Variants in DOCK3 observed in about 807,000 individuals in gnomAD.
DOCK3 encodes dedicator of cytokinesis protein 3.
DOCK3 carries 60 observed loss-of-function variants against 265.6 expected under a neutral mutation model. The ratio of observed to expected loss-of-function variants is 0.23; its 90% CI spans 0.18 to 0.28. DOCK3 has a LOEUF of 0.28. Ranked by LOEUF, DOCK3 falls within the 10% of genes least tolerant of loss-of-function variation. The pLI is 1.00. For synonymous variants in DOCK3, 881 were observed against 938.0 expected, an observed-to-expected ratio of 0.94 and a Z score of 1.11; for missense variants, 1,981 against 2,594.3, an observed-to-expected ratio of 0.76 and a Z score of 5.14.
chr3:51,347,316 C>T lies in DOCK3; in HGVS notation c.3916-1536C>T, dbSNP rs56839580. ...AATCCATCTTAAATTAATTTTTGTACGAGGTGTAAGGAAGGGATCCAGTTT... is the reference window on the plus strand; with the variant it reads ...AATCCATCTTAAATTAATTTTTGTATGAGGTGTAAGGAAGGGATCCAGTTT... On this transcript the variant is annotated intron_variant, in intron 38 of 52. Coordinates refer to ENST00000266037, the MANE Select transcript of DOCK3 (RefSeq NM_004947.5). Among the ~76,000 whole-genome samples, 1,200 of 152,144 alleles carry T rather than the reference C, an allele frequency of 7.9e-3. 15 individuals are homozygous for T. The highest frequency in any genetic ancestry group is 0.027 in the African/African-American group (1,105 of 41,488).
intron 5 of DOCK3, among the ~76,000 whole-genome samples, chr3:51,037,892 AGTGT>A (rs1340882090): frequency 6.6e-6 from 1 of 152,210 alleles, no homozygotes; most frequent in African/African-American, 2.4e-5. Flanking sequence ...TTTAGGAACC[AGTGT>A]GAATTCATCT....
chr3:50,779,671 A>G (rs1271707282), intron 2 of DOCK3, among the ~76,000 whole-genome samples: 2 of 152,258 alleles, frequency 1.3e-5, no homozygotes, highest in Admixed American at 1.3e-4. Context: ...GGCGTGAGCC[A>G]CTGCGCCTGG....
intron 1 of DOCK3, among the ~76,000 whole-genome samples, chr3:50,757,704 A>G (rs1019717956): frequency 2.6e-5 from 4 of 152,178 alleles, no homozygotes; most frequent in African/African-American, 4.8e-5. Context: ...TCAAGGCCAT[A>G]AAGATTTACT....
intron 3 of DOCK3, among the ~76,000 whole-genome samples, chr3:50,880,164 C>T (rs554809133): frequency 1.3e-5 from 2 of 152,136 alleles, no homozygotes; most frequent in Non-Finnish European, 2.9e-5. Context: ...CACTAAATGC[C>T]CACAAGAGAA....
At chr3:50,986,016 A>G (rs1363708650) in intron 5 of DOCK3, among the ~76,000 whole-genome samples, 1 of 151,906 alleles carries the variant, frequency 6.6e-6, no homozygotes, top group African/African-American at 2.4e-5. Flanking sequence ...TTAAATATCT[A>G]TTTATATATT....
At chr3:51,171,321 A>G (rs553386859) in intron 12 of DOCK3, among the ~76,000 whole-genome samples, 2 of 152,136 alleles carry the variant, frequency 1.3e-5, no homozygotes, top group African/African-American at 4.8e-5. Flanking sequence ...TAATTTCCAC[A>G]TATTTGTGAA....
At chr3:50,855,065 G>A (rs2046523747) in intron 3 of DOCK3, among the ~76,000 whole-genome samples, 1 of 152,034 alleles carries the variant, frequency 6.6e-6, no homozygotes, top group African/African-American at 2.4e-5. Context: ...GTTATGTGAT[G>A]CTCCTGGGTT....
chr3:51,281,085 A>G (rs985150500), intron 27 of DOCK3, among the ~76,000 whole-genome samples: 7 of 151,864 alleles, frequency 4.6e-5, no homozygotes, highest in Admixed American at 3.9e-4. Context: ...TGCATTGATT[A>G]TATTGTTTAT....
At chr3:50,875,036 A>G (rs975568472) in intron 3 of DOCK3, among the ~76,000 whole-genome samples, 1 of 152,050 alleles carries the variant, frequency 6.6e-6, no homozygotes, top group African/African-American at 2.4e-5. Context: ...CAGGGAGGGG[A>G]ACGTCACACA....
At position 51,359,294 on chromosome 3, in the gene DOCK3, A is replaced by G. The variant is rs1314017303; in HGVS notation, c.4884+1217A>G. Among the ~76,000 whole-genome samples the G allele has an allele frequency of 6.6e-6, 1 of 151,944 alleles. No homozygotes were observed. Among genetic ancestry groups the G allele is most frequent in the African/African-American group, 2.4e-5 (1 of 41,200 alleles). ...TCAGCCTGTGTGGACAAGTGTGGAC[A>G]GCATGAAAAGAGAAAAAGAAGCTTG... On this transcript the variant is annotated intron_variant, in intron 46 of 52. Coordinates refer to ENST00000266037, the MANE Select transcript of DOCK3 (RefSeq NM_004947.5). The surrounding 1 kb of genome is among the most constrained non-coding windows in gnomAD (Gnocchi z 4.8).
At chr3:51,008,962 T>G (rs1490804014) in intron 5 of DOCK3, among the ~76,000 whole-genome samples, 1 of 152,220 alleles carries the variant, frequency 6.6e-6, no homozygotes, top group Non-Finnish European at 1.5e-5. Context: ...ATCCCAGGGA[T>G]GAAGCCAACT....
chr3:50,930,362 G>A (rs909177031), intron 4 of DOCK3, among the ~76,000 whole-genome samples: 3 of 152,198 alleles, frequency 2.0e-5, no homozygotes, highest in Admixed American at 6.5e-5. Flanking sequence ...CCCGCCTTGG[G>A]CGGCTGCAGC....
At chr3:51,301,007 A>T (rs537646666) in intron 27 of DOCK3, among the ~76,000 whole-genome samples, 5 of 152,320 alleles carry the variant, frequency 3.3e-5, no homozygotes, top group Admixed American at 2.6e-4. Flanking sequence ...CCTCTGGTAG[A>T]ATTCAGCTGT....
At chr3:50,935,363 T>G (rs965706405) in intron 5 of DOCK3, among the ~76,000 whole-genome samples, 4 of 151,768 alleles carry the variant, frequency 2.6e-5, no homozygotes, top group African/African-American at 9.7e-5. Context: ...TCCAGTGGAG[T>G]CTGTAGAATG....
intron 5 of DOCK3, among the ~76,000 whole-genome samples, chr3:50,998,192 G>A (rs1317393077): frequency 2.0e-5 from 3 of 152,120 alleles, no homozygotes; most frequent in Admixed American, 1.3e-4. Flanking sequence ...GTAAATAGAG[G>A]AGCTAGATTT....
chr3:51,360,990 G>A (rs2086697077), intron 47 of DOCK3, among the ~76,000 whole-genome samples: 1 of 152,210 alleles, frequency 6.6e-6, no homozygotes, highest in African/African-American at 2.4e-5. Context: ...AGCACTCTGA[G>A]TAGAGCCAAG....
chr3:51,118,350 C>T (rs1240014095), intron 9 of DOCK3, among the ~76,000 whole-genome samples: 2 of 152,150 alleles, frequency 1.3e-5, no homozygotes, highest in African/African-American at 2.4e-5. Context: ...CATTCTTTTG[C>T]ATTTGCTGAG....
chr3:51,356,123 T>A lies in DOCK3; in HGVS notation c.4284T>A (p.Asp1428Glu). ...LQIYAVTPIP[D>E]YVDVLQMDRV... ...TCTATGCAGTGACGCCCATTCCAGA[T>A]TATGTGGATGTTCTGCAGATGGATA... The change falls in exon 42 of 53, where the codon GAT becomes GAA. Residue 1428 changes from aspartate (D) to glutamate (E), a missense_variant. By Grantham distance (45) the Asp-to-Glu change is conservative. Transcript: ENST00000266037. 1.2e-6 allele frequency: 2 copies of A among 1,613,880 alleles called. No homozygotes were observed. Among genetic ancestry groups the A allele is most frequent in the Non-Finnish European group, 1.7e-6 (2 of 1,179,838 alleles).
At chr3:51,265,569 C>G (rs978713050) in intron 23 of DOCK3, among the ~76,000 whole-genome samples, 1 of 152,184 alleles carries the variant, frequency 6.6e-6, no homozygotes, top group Non-Finnish European at 1.5e-5. Context: ...TAAATGTAAT[C>G]CATCACATAA....
Sources: gnomAD v4.1 joint callset for allele counts (sites outside exome capture counted in the v4.1 genomes callset) on GRCh38, gnomAD v4.1.1 for gene constraint, Gnocchi (gnomAD v3.1) non-coding constraint, MANE v1.5 for transcripts, NCBI Gene and HGNC (gene_info 2026-07-23, HGNC 2026-07-21) for gene names.